UGT2B4: variants seen among roughly 807,000 people sequenced by gnomAD.
UGT2B4 encodes UDP-glucuronosyltransferase 2B4.
In UGT2B4, 49 loss-of-function variants were observed where a neutral mutation model predicts 49.8. The observed-to-expected ratio is 0.98, with a 90% CI of 0.78 to 1.25. The LOEUF (loss-of-function observed/expected upper bound fraction) is 1.25. UGT2B4 is among the 50% of genes most tolerant of loss of function. The probability of loss-of-function intolerance (pLI) is 0.00; values close to 1 mark genes in which losing one functional copy is unlikely to be tolerated. For missense variants in UGT2B4, 729 were observed against 627.7 expected, an observed-to-expected ratio of 1.16 and a Z score of -1.73; for synonymous variants, 246 against 217.7, an observed-to-expected ratio of 1.13 and a Z score of -1.14.
chr4:69,488,711 G>C (rs1317193393), intron 3 of UGT2B4, among the ~76,000 whole-genome samples: 1 of 151,848 alleles, frequency 6.6e-6, no homozygotes, highest in East Asian at 1.9e-4. Context: ...TCCTTGTGGG[G>C]CCACATTTTA....
chr4:69,514,578 A>G (rs929331905), intron 1 of UGT2B4, among the ~76,000 whole-genome samples: 2 of 152,208 alleles, frequency 1.3e-5, no homozygotes, highest in Admixed American at 6.5e-5. Flanking sequence ...CCCATTCAGT[A>G]TGATGTTGGC....
At chr4:69,517,135 G>C (rs1431813709) in intron 1 of UGT2B4, among the ~76,000 whole-genome samples, 1 of 152,034 alleles carries the variant, frequency 6.6e-6, no homozygotes, top group African/African-American at 2.4e-5. Flanking sequence ...GAAGAAAAAT[G>C]TGTACATCAG....
intron 1 of UGT2B4, among the ~76,000 whole-genome samples, chr4:69,521,000 C>T (rs1728838553): frequency 6.6e-6 from 1 of 152,146 alleles, no homozygotes; most frequent in Non-Finnish European, 1.5e-5. Context: ...GACCAATCGG[C>T]AAGCAGTTCC....
At chr4:69,491,089 T>C (rs1429650478) in intron 2 of UGT2B4, among the ~76,000 whole-genome samples, 1 of 152,156 alleles carries the variant, frequency 6.6e-6, no homozygotes, top group Admixed American at 6.6e-5. Context: ...AAACTACATA[T>C]GTTTTCATCA....
At position 69,525,322 on chromosome 4, in the gene UGT2B4, G is replaced by A. The variant is rs116006303; in HGVS notation, c.-106+365C>T. Among the ~76,000 whole-genome samples, 654 of 152,242 alleles carry A rather than the reference G, an allele frequency of 4.3e-3. 6 individuals are homozygous for A. Among genetic ancestry groups the A allele is most frequent in the African/African-American group, 0.014 (563 of 41,556 alleles). ...TTGATAATAGTAAATGTGAAGAACAGAGATTAAATTTGTGAATACTGACTG... is the reference window on the plus strand; with the variant it reads ...TTGATAATAGTAAATGTGAAGAACAAAGATTAAATTTGTGAATACTGACTG... On this transcript the variant is annotated intron_variant, in intron 1 of 1. Transcript: ENST00000510114.
exon 1 of UGT2B4, chr4:69,525,818 C>T (rs66653481): frequency 0.31 from 301,070 of 977,196 alleles, 46,123 homozygotes; most frequent in African/African-American, 0.33. Context: ...GAAAGGGCTC[C>T]AGGCTGGGCG....
At position 69,485,193 on chromosome 4, in the gene UGT2B4, A is replaced by G. The variant is rs763357906; in HGVS notation, c.1310+15T>C. 5.0e-6 allele frequency: 8 copies of G among 1,613,800 alleles called. No individual in the cohort carries two copies. The South Asian group carries it at 8.8e-5, about 18-fold the overall frequency. ...ATCTATAAAGACCACCGAGTAAAAAAAAAGTTATACTCACAAAGGATCATT... is the reference window on the plus strand; with the variant it reads ...ATCTATAAAGACCACCGAGTAAAAAGAAAGTTATACTCACAAAGGATCATT... On this transcript the variant is annotated intron_variant, in intron 5 of 5. Transcript: ENST00000305107.
upstream of UGT2B4, among the ~76,000 whole-genome samples, chr4:69,500,639 A>AAGAAAGAG (rs1728289797): frequency 7.1e-6 from 1 of 141,414 alleles, no homozygotes; most frequent in African/African-American, 2.5e-5. Context: ...GAAAGAAAGA[A>AAGAAAGAG]AGAAAGAAAG....
At chr4:69,493,876 A>C (rs1728069090) in intron 1 of UGT2B4, 35 bp from the exon 2 acceptor site, 1 of 1,570,732 alleles carries the variant, frequency 6.4e-7, no homozygotes, top group Non-Finnish European at 8.6e-7. Context: ...GATAGATGAC[A>C]CAAGATAATT....
chr4:69,508,410 A>G (rs145435416), intron 1 of UGT2B4, among the ~76,000 whole-genome samples: 1 of 152,210 alleles, frequency 6.6e-6, no homozygotes, highest in South Asian at 2.1e-4. Context: ...GCACATGTTT[A>G]TTGCAGCACT....
Position 69,512,086 on chromosome 4 carries a change from A to C in UGT2B4, c.-106+13601T>G, listed in dbSNP as rs555375133. ...GAAAATTTTATCTTTTCAAAAAAAA[A>C]CCTCATCTTAGATTTGTTGATTTAT... On this transcript the variant is annotated intron_variant, in intron 1 of 1. Transcript: ENST00000510114. Among the ~76,000 whole-genome samples, 29 of 151,608 alleles carry C rather than the reference A, an allele frequency of 1.9e-4. No individual in the cohort carries two copies. The South Asian group carries it at 2.5e-3, about 13-fold the overall frequency.
In UGT2B4 at chr4:69,495,669, C is replaced by T. The variant is rs140509960; in HGVS notation, c.193G>A (p.Asp65Asn). The T allele has an allele frequency of 2.5e-6, 4 of 1,613,946 alleles. No individual in the cohort carries two copies. The highest frequency in any genetic ancestry group is 1.3e-5 in the African/African-American group (1 of 75,024). ...TTAAGAGTAGATGGGCTGTTGGGAT[C>T]GAAAGAAATGGAAGCTGAAGATGCC... ...VLASSASISF[D>N]PNSPSTLKFE... Residue 65 changes from aspartate to asparagine, a missense_variant, in exon 1 of 6, where the codon GAT becomes AAT. By Grantham distance (23) the Asp-to-Asn change is conservative. Coordinates refer to ENST00000305107, the MANE Select transcript of UGT2B4 (RefSeq NM_021139.3).
chr4:69,487,094 G>A (rs1727811038), intron 3 of UGT2B4, among the ~76,000 whole-genome samples: 1 of 152,132 alleles, frequency 6.6e-6, no homozygotes, highest in Non-Finnish European at 1.5e-5. Flanking sequence ...ACAGATGCTT[G>A]TGATGTTGTA....
intron 1 of UGT2B4, among the ~76,000 whole-genome samples, chr4:69,521,306 G>A (rs186559629): frequency 8.9e-4 from 135 of 152,276 alleles, no homozygotes; most frequent in Non-Finnish European, 1.6e-3. Context: ...AAGAGCTGTA[G>A]CTCTTTGGGG....
chr4:69,489,121 C>A, intron 3 of UGT2B4, among the ~76,000 whole-genome samples: 1 of 152,164 alleles, frequency 6.6e-6, no homozygotes, highest in African/African-American at 2.4e-5. Context: ...ACAAAAGGAT[C>A]AAATCACAGG....
chr4:69,516,739 C>T (rs552377688), intron 1 of UGT2B4, among the ~76,000 whole-genome samples: 1 of 152,140 alleles, frequency 6.6e-6, no homozygotes, highest in African/African-American at 2.4e-5. Flanking sequence ...CTCGGAGTAG[C>T]TGGGAGTACA....
intron 1 of UGT2B4, among the ~76,000 whole-genome samples, chr4:69,504,850 G>T (rs566134157): frequency 6.6e-6 from 1 of 152,162 alleles, no homozygotes; most frequent in East Asian, 1.9e-4. Context: ...CAGAAAGATA[G>T]TGAGAAAGAC....
At chr4:69,525,515 T>A (rs1728959868) in intron 1 of UGT2B4, among the ~76,000 whole-genome samples, 1 of 152,158 alleles carries the variant, frequency 6.6e-6, no homozygotes, top group South Asian at 2.1e-4. Context: ...CAGAGCTTAA[T>A]TTTTTAATAA....
At chr4:69,500,290 G>A (rs1252773575), upstream of UGT2B4, among the ~76,000 whole-genome samples, 1 of 151,992 alleles carries the variant, frequency 6.6e-6, no homozygotes, top group African/African-American at 2.4e-5. Flanking sequence ...ATGCATTCCG[G>A]GCTTAATACT....
Sources: allele counts gnomAD v4.1 joint callset (sites outside exome capture counted in the v4.1 genomes callset), GRCh38; gene constraint gnomAD v4.1.1; transcripts MANE v1.5; gene names NCBI Gene and HGNC (gene_info 2026-07-23, HGNC 2026-07-21).